The following CRLF2 variants were observed in gnomAD, a reference collection of about 807,000 sequenced individuals.
CRLF2 encodes cytokine receptor like factor 2, also known as cytokine receptor-like factor 2.
A neutral mutation model predicts 38.7 loss-of-function variants in CRLF2; 41 were observed. The observed-to-expected ratio is 1.06, with a 90% CI of 0.83 to 1.37. CRLF2 has a LOEUF of 1.37. Ranked by LOEUF, CRLF2 falls within the 40% of genes most tolerant of loss-of-function variation. The pLI is 0.00. For missense variants in CRLF2, 377 were observed against 322.2 expected, an observed-to-expected ratio of 1.17 and a Z score of -1.30; for synonymous variants, 140 against 128.8, an observed-to-expected ratio of 1.09 and a Z score of -0.59.
At chrX:1,191,287 TTTCTTTTC>T (rs2086368181) in intron 7 of CRLF2, 127 bp from the exon 8 acceptor site, 1 of 394,190 alleles carries the variant, frequency 2.5e-6, no homozygotes, top group South Asian at 1.3e-4. Flanking sequence ...CTCTCTTTCT[TTTCTTTTC>T]TCTTTCTTTC....
intron 2 of CRLF2, among the ~76,000 whole-genome samples, 176 bp from the exon 3 acceptor site, chrX:1,206,775 T>A (rs1168596474): frequency 2.0e-5 from 3 of 151,650 alleles, no homozygotes; most frequent in African/African-American, 7.3e-5. Flanking sequence ...CCTGAGTAGC[T>A]GGGATTACAG....
chrX:1,207,928 C>A (rs1444908331), intron 2 of CRLF2, among the ~76,000 whole-genome samples: 1 of 152,096 alleles, frequency 6.6e-6, no homozygotes, highest in Non-Finnish European at 1.5e-5. Context: ...GTCTTATTTT[C>A]CAAATAACTT....
At position 1,212,244 on chromosome X, in the gene CRLF2, AATAG is replaced by A. The variant is rs1201530302; in HGVS notation, c.79+308_79+311del. On this transcript the variant is annotated intron_variant, in intron 1 of 7. Transcript: ENST00000400841. ...GAATATATCTACCAATCAATCAATC[AATAG>A]ATAGACACACACACGCACACATACA... Among the ~76,000 whole-genome samples the A allele has an allele frequency of 2.5e-4, 38 of 152,080 alleles. No individual in the cohort carries two copies. In the South Asian group the frequency reaches 4.8e-3, roughly 19 times the overall value.
chrX:1,202,858 A>G (rs111241021), intron 3 of CRLF2, among the ~76,000 whole-genome samples: 78,687 of 151,692 alleles, frequency 0.52, 20,766 homozygotes, highest in East Asian at 0.71. Context: ...TTTAAAAATA[A>G]GATCCTTTAG....
chrX:1,209,496 T>A (rs1264560099), intron 1 of CRLF2, among the ~76,000 whole-genome samples: 3 of 150,848 alleles, frequency 2.0e-5, no homozygotes, highest in Admixed American at 6.6e-5. Flanking sequence ...CATGCCTGGA[T>A]AATTTTTTGT....
intron 4 of CRLF2, 26 bp downstream of exon 4, chrX:1,202,376 C>A (rs1404268737): frequency 6.2e-7 from 1 of 1,613,036 alleles, no homozygotes; most frequent in East Asian, 2.2e-5. Flanking sequence ...GCCACCATCG[C>A]CCTGAGTCGC....
chrX:1,195,833 A>AT (rs2086464096), intron 6 of CRLF2, among the ~76,000 whole-genome samples: 6 of 139,392 alleles, frequency 4.3e-5, no homozygotes, highest in Admixed American at 7.8e-5. Flanking sequence ...ATTATATATT[A>AT]AATTATATAT....
chrX:1,192,217 A>AAAAC lies in CRLF2; in HGVS notation c.852+997_852+1000dup, dbSNP rs1556416153. On this transcript the variant is annotated intron_variant, in intron 7 of 7. Transcript: ENST00000400841. ...GAGACTCCGTCTCAAAAAAAAAAAA[A>AAAAC]AAACAAAAAAAACCTAGTTTGAGCC... Among the ~76,000 whole-genome samples the AAAAC allele has an allele frequency of 2.2e-5, 3 of 138,560 alleles. 1 individual carries two copies. The highest frequency in any genetic ancestry group is 7.6e-5 in the African/African-American group (3 of 39,224). The allele number at this position is 138,560 out of a possible 152,430, so 90.9% of individuals were successfully genotyped here. A position where few individuals can be genotyped will look rare whatever the true frequency, so the allele number is the denominator to read the frequency against.
intron 2 of CRLF2, 34 bp downstream of exon 2, chrX:1,208,772 T>C (rs767439912): frequency 7.8e-7 from 1 of 1,275,502 alleles, no homozygotes; most frequent in South Asian, 1.2e-5. Context: ...TTGAGCCCCC[T>C]GGGCGTGGGG....
At chrX:1,200,034 T>C (rs1213516589) in intron 4 of CRLF2, among the ~76,000 whole-genome samples, 3 of 147,418 alleles carry the variant, frequency 2.0e-5, no homozygotes, top group Non-Finnish European at 4.5e-5. Flanking sequence ...TCTGTATATA[T>C]GTGTGTGTAT....
intron 6 of CRLF2, among the ~76,000 whole-genome samples, chrX:1,195,817 A>ATATAT (rs1556417579): frequency 1.6e-4 from 22 of 134,728 alleles, no homozygotes; most frequent in African/African-American, 4.9e-4. Context: ...ATATTAAATT[A>ATATAT]TATATATTAT....
intron 2 of CRLF2, among the ~76,000 whole-genome samples, chrX:1,207,498 T>TC (rs1465583334): frequency 2.9e-3 from 111 of 37,822 alleles, no homozygotes; most frequent in Middle Eastern, 0.019. Context: ...CCTCAGGTGA[T>TC]CCACCCCCCC....
chrX:1,199,855 GAT>G (rs1358096953), intron 4 of CRLF2, among the ~76,000 whole-genome samples: 3 of 151,506 alleles, frequency 2.0e-5, no homozygotes, highest in African/African-American at 2.4e-5. Context: ...ATGTATATAA[GAT>G]GTGTATATAT....
At position 1,196,736 on chromosome X, in the gene CRLF2, G is replaced by C. The variant is rs755541708; in HGVS notation, c.767+44C>G. 3.7e-6 allele frequency: 6 copies of C among 1,605,028 alleles called. No homozygotes were observed. The East Asian group carries it at 1.3e-4, about 36-fold the overall frequency. On this transcript the variant is annotated intron_variant, in intron 6 of 7. Transcript: ENST00000400841. ...TTTTTTCGTACTTCACAGACATTGTGCAAGCAGGTCCCTCCACCCACGGGC... is the reference window on the plus strand; with the variant it reads ...TTTTTTCGTACTTCACAGACATTGTCCAAGCAGGTCCCTCCACCCACGGGC...
intron 3 of CRLF2, among the ~76,000 whole-genome samples, chrX:1,204,961 AGGCATGCGCCACCAGCCC>A (rs2086666649): frequency 1.3e-5 from 2 of 151,958 alleles, no homozygotes; most frequent in African/African-American, 4.8e-5. Flanking sequence ...CTAGGATTAC[AGGCATGCGCCACCAGCCC>A]GGCTAATTTT....
chrX:1,206,240 T>G (rs1488593725), intron 3 of CRLF2, among the ~76,000 whole-genome samples, 193 bp downstream of exon 3: 1 of 151,990 alleles, frequency 6.6e-6, no homozygotes, highest in African/African-American at 2.4e-5. Flanking sequence ...ATCCCGCGAC[T>G]GGCTGGAGCT....
At chrX:1,192,738 TTC>T (rs1354091935) in intron 7 of CRLF2, among the ~76,000 whole-genome samples, 1 of 144,408 alleles carries the variant, frequency 6.9e-6, no homozygotes, top group Admixed American at 7.2e-5. Flanking sequence ...CTTTCTTTCT[TTC>T]TTTCTTTCTT....
intron 2 of CRLF2, among the ~76,000 whole-genome samples, chrX:1,207,277 C>G (rs185282660): frequency 6.9e-6 from 1 of 145,752 alleles, no homozygotes; most frequent in East Asian, 2.3e-4. Context: ...TTTTTTGAAA[C>G]AGAGTTTTGT....
At chrX:1,191,337 C>CTTTCTTTCTT (rs2086374038) in intron 7 of CRLF2, among the ~76,000 whole-genome samples, 177 bp from the exon 8 acceptor site, 1 of 115,726 alleles carries the variant, frequency 8.6e-6, no homozygotes, top group Non-Finnish European at 1.8e-5. Context: ...TTCTTTCTTT[C>CTTTCTTTCTT]TTTCTTTCCT....
Sources: allele counts gnomAD v4.1 joint callset (sites outside exome capture counted in the v4.1 genomes callset), GRCh38; gene constraint gnomAD v4.1.1; transcripts MANE v1.5; gene names NCBI Gene and HGNC (gene_info 2026-07-23, HGNC 2026-07-21).